Variants in ZBTB20 observed in about 807,000 individuals in gnomAD.
The protein encoded by ZBTB20 is zinc finger and BTB domain containing 20, also known as zinc finger and BTB domain-containing protein 20.
ZBTB20 carries 9 observed loss-of-function variants against 56.9 expected under a neutral mutation model. The ratio of observed to expected loss-of-function variants is 0.16; its 90% confidence interval spans 0.10 to 0.28. The LOEUF (loss-of-function observed/expected upper bound fraction) is 0.28, where lower values mean the gene tolerates loss of function less well. Ranked by LOEUF, ZBTB20 falls within the 10% of genes least tolerant of loss-of-function variation. The pLI is 1.00. For synonymous variants in ZBTB20, 417 were observed against 420.7 expected (o/e 0.99, Z 0.11); for missense variants, 655 against 1,003.0 (o/e 0.65, Z 4.69).
chr3:114,587,099 C>T (rs1028853956), intron 6 of ZBTB20, among the ~76,000 whole-genome samples: 3 of 148,170 alleles, frequency 2.0e-5, no homozygotes, highest in Admixed American at 6.9e-5. Flanking sequence ...CGGGTTCAAG[C>T]GATTCTCCTG....
chr3:114,689,063 A>G (rs1346686375), intron 6 of ZBTB20, among the ~76,000 whole-genome samples: 1 of 152,156 alleles, frequency 6.6e-6, no homozygotes, highest in Non-Finnish European at 1.5e-5. Flanking sequence ...TTTCGTTAAC[A>G]CTTCCACCAT....
chr3:115,113,132 T>C (rs976183412), intron 1 of ZBTB20, among the ~76,000 whole-genome samples: 2 of 152,230 alleles, frequency 1.3e-5, no homozygotes, highest in African/African-American at 4.8e-5. Flanking sequence ...GCCCACTTTT[T>C]AATGCAATTA....
At chr3:114,921,554 C>T (rs908514272) in intron 3 of ZBTB20, among the ~76,000 whole-genome samples, 1 of 152,068 alleles carries the variant, frequency 6.6e-6, no homozygotes, top group Non-Finnish European at 1.5e-5. Context: ...GCATTGCCCT[C>T]ATACCAAAGC....
At chr3:114,972,306 T>C (rs2077917433) in intron 3 of ZBTB20, among the ~76,000 whole-genome samples, 1 of 152,190 alleles carries the variant, frequency 6.6e-6, no homozygotes, top group Non-Finnish European at 1.5e-5. Context: ...CAAGAGGTCA[T>C]TGTGCCTTCC....
rs1241303850 is a variant in ZBTB20 at position 114,814,042 on chromosome 3, A to G, written c.-416-12868T>C. Among the ~76,000 whole-genome samples the G allele has an allele frequency of 2.6e-5, 4 of 151,908 alleles. No individual in the cohort carries two copies. In the South Asian group the frequency reaches 8.3e-4, roughly 31 times the overall value. ...TTTACATTATAATACAGTGATCCCT[A>G]TACATACTGAAGAGCATCCTAGAAA... On this transcript the variant is annotated intron_variant, in intron 4 of 11. Transcript: ENST00000675478.
Position 114,317,239 on chromosome 3 carries a change from T to C in ZBTB20, c.*21766A>G, listed in dbSNP as rs1446117990. The C allele has an allele frequency of 6.6e-6, 1 of 152,340 alleles. No homozygotes were observed. The highest frequency in any genetic ancestry group is 2.4e-5 in the African/African-American group (1 of 41,440). The allele number at this position is 152,340 out of a possible 1,614,324, so 9.4% of individuals were successfully genotyped here. On this transcript the variant is annotated 3_prime_UTR_variant, in exon 12 of 12. Transcript: ENST00000675478. ...TCAAAGAGCCTCTCCCATTGCTCCA[T>C]TAAAATATTGCATGTGATACCATTC...
chr3:115,045,086 G>C (rs567508116), intron 2 of ZBTB20, among the ~76,000 whole-genome samples: 1 of 152,288 alleles, frequency 6.6e-6, no homozygotes, highest in African/African-American at 2.4e-5. Flanking sequence ...TAGCATTCCT[G>C]TGATAGATGT....
intron 3 of ZBTB20, among the ~76,000 whole-genome samples, chr3:114,917,678 A>C (rs1164217074): frequency 6.6e-6 from 1 of 152,176 alleles, no homozygotes; most frequent in Non-Finnish European, 1.5e-5. Flanking sequence ...TCTCTGGATT[A>C]CTAGGCAGAG....
chr3:115,030,227 TCCTC>T (rs1205527265), intron 2 of ZBTB20, among the ~76,000 whole-genome samples: 4 of 150,874 alleles, frequency 2.7e-5, no homozygotes, highest in Non-Finnish European at 6.0e-5. Flanking sequence ...ACTGAAGAGA[TCCTC>T]CTTCCTTCCC....
chr3:115,135,966 T>G (rs1029817949), intron 1 of ZBTB20, among the ~76,000 whole-genome samples: 1 of 152,136 alleles, frequency 6.6e-6, no homozygotes, highest in Non-Finnish European at 1.5e-5. Context: ...CAAAGCATAG[T>G]GTGCTTTGTT....
chr3:115,136,705 C>T (rs923652506), intron 1 of ZBTB20, among the ~76,000 whole-genome samples: 4 of 152,012 alleles, frequency 2.6e-5, no homozygotes, highest in African/African-American at 9.7e-5. Context: ...TTTGGTAATT[C>T]GCTTAACAAC....
chr3:114,876,069 T>C lies in ZBTB20; in HGVS notation c.-417+24235A>G, dbSNP rs182253690. ...GGCAAAACAGCAAGATCCCCATCTCTACAAAATTTTTTTTAAAATTAGCGG... is the reference window on the plus strand; with the variant it reads ...GGCAAAACAGCAAGATCCCCATCTCCACAAAATTTTTTTTAAAATTAGCGG... On this transcript the variant is annotated intron_variant, in intron 4 of 11. Transcript: ENST00000675478. Among the ~76,000 whole-genome samples, 231 of 150,996 alleles carry C rather than the reference T, an allele frequency of 1.5e-3. 3 individuals carry two copies. The highest frequency in any genetic ancestry group is 5.5e-3 in the African/African-American group (228 of 41,210).
At chr3:114,551,190 G>A (rs1231384062) in intron 6 of ZBTB20, among the ~76,000 whole-genome samples, 2 of 152,132 alleles carry the variant, frequency 1.3e-5, no homozygotes, top group Non-Finnish European at 2.9e-5. Context: ...TGAATATAGT[G>A]ATGCATTTAT....
intron 1 of ZBTB20, among the ~76,000 whole-genome samples, chr3:115,085,746 TG>T (rs1272198196): frequency 6.6e-6 from 1 of 151,918 alleles, no homozygotes; most frequent in African/African-American, 2.4e-5. Context: ...TTTGTTTCTT[TG>T]GTAATCACTC....
At chr3:114,906,317 T>C (rs62265043) in intron 3 of ZBTB20, among the ~76,000 whole-genome samples, 1 of 151,764 alleles carries the variant, frequency 6.6e-6, no homozygotes, top group African/African-American at 2.4e-5. Flanking sequence ...GCCTTGATGA[T>C]GTAGAAAATC....
At position 114,332,033 on chromosome 3, in the gene ZBTB20, A is replaced by G. The variant is rs185886675; in HGVS notation, c.*6972T>C. 1.3e-5 allele frequency: 2 copies of G among 149,656 alleles called. No homozygotes were observed. Among genetic ancestry groups the G allele is most frequent in the East Asian group, 3.9e-4 (2 of 5,108 alleles). The allele number at this position is 149,656 out of a possible 1,614,324, so 9.3% of individuals were successfully genotyped here. On this transcript the variant is annotated 3_prime_UTR_variant, in exon 12 of 12. Transcript: ENST00000675478. ...GCTGGGTAAAAACAACTGTTGCAAC[A>G]CTAGTAGAAACAGATGCCCCCAAGG...
chr3:114,749,140 T>A (rs2067350687), intron 5 of ZBTB20, among the ~76,000 whole-genome samples: 1 of 152,150 alleles, frequency 6.6e-6, no homozygotes, highest in South Asian at 2.1e-4. Context: ...AAAGGGAAAA[T>A]CAAAGGATGT....
rs2063596815 is a variant in ZBTB20, at chr3:114,704,550, AG to A, written c.-342-10976del. Reference sequence around the variant, plus strand: ...AATGAACATGTAAACATAGTTACACAGGAAAAAGAATATCTTAACAACAGCC... The same window carrying A: ...AATGAACATGTAAACATAGTTACACAGAAAAAGAATATCTTAACAACAGCC... On this transcript the variant is annotated intron_variant, in intron 5 of 11. Coordinates refer to ENST00000675478, the MANE Select transcript of ZBTB20 (RefSeq NM_001348800.3). Among the ~76,000 whole-genome samples the A allele has an allele frequency of 2.6e-5, 4 of 152,320 alleles. No homozygotes were observed. The South Asian group carries it at 8.3e-4, about 32-fold the overall frequency.
intron 6 of ZBTB20, among the ~76,000 whole-genome samples, chr3:114,647,411 C>A (rs1277467874): frequency 6.6e-6 from 1 of 152,172 alleles, no homozygotes; most frequent in Non-Finnish European, 1.5e-5. Flanking sequence ...CTCTAGAGCT[C>A]TTCCTCAAAG....
Sources: allele counts gnomAD v4.1 joint callset (sites outside exome capture counted in the v4.1 genomes callset), GRCh38; gene constraint gnomAD v4.1.1; transcripts MANE v1.5; gene names NCBI Gene and HGNC (gene_info 2026-07-23, HGNC 2026-07-21).